Variants in TACC2 observed in about 807,000 individuals in gnomAD.
TACC2 encodes transforming acidic coiled-coil-containing protein 2.
A neutral mutation model predicts 227.3 loss-of-function variants in TACC2; 137 were observed. The ratio of observed to expected loss-of-function variants is 0.60; its 90% CI spans 0.52 to 0.69. TACC2 has a LOEUF of 0.69. TACC2 is among the 30% of genes least tolerant of loss of function. TACC2 has a pLI of 0.00. For synonymous variants in TACC2, 1,523 were observed against 1,487.5 expected (o/e 1.02, Z -0.55); for missense variants, 3,470 against 3,694.4 (o/e 0.94, Z 1.57).
intron 3 of TACC2, among the ~76,000 whole-genome samples, chr10:122,074,091 T>G (rs2078481355): frequency 6.7e-6 from 1 of 149,822 alleles, no homozygotes; most frequent in African/African-American, 2.5e-5. Flanking sequence ...CTTTTTTTTT[T>G]TTTTTTTGAG....
chr10:122,021,239 A>AAAGG (rs149978264), intron 1 of TACC2, among the ~76,000 whole-genome samples: 2 of 146,132 alleles, frequency 1.4e-5, no homozygotes, highest in African/African-American at 2.6e-5. Flanking sequence ...GAAAAAAAAA[A>AAAGG]GGCGGGGGGG....
chr10:122,222,335 C>T (rs922343900), intron 11 of TACC2, among the ~76,000 whole-genome samples: 1 of 152,170 alleles, frequency 6.6e-6, no homozygotes, highest in African/African-American at 2.4e-5. Context: ...ATTTTTTTTA[C>T]ATCCTCTCCA....
At chr10:122,184,905 T>TG (rs1484530265) in intron 7 of TACC2, among the ~76,000 whole-genome samples, 18 of 152,114 alleles carry the variant, frequency 1.2e-4, no homozygotes, top group Admixed American at 6.6e-4. Flanking sequence ...GTGATAGCGA[T>TG]GGGGGGTCTG....
At chr10:122,245,241 G>A (rs1460340095) in intron 19 of TACC2, among the ~76,000 whole-genome samples, 2 of 152,190 alleles carry the variant, frequency 1.3e-5, no homozygotes, top group Non-Finnish European at 2.9e-5. Flanking sequence ...GCATTGTTTT[G>A]TTGTTGAGTG....
At chr10:122,092,921 A>G (rs908342127) in intron 5 of TACC2, among the ~76,000 whole-genome samples, 1 of 152,222 alleles carries the variant, frequency 6.6e-6, no homozygotes, top group African/African-American at 2.4e-5. Context: ...GCTTGAATCA[A>G]TTTCACCTAC....
At chr10:122,161,823 T>C (rs2092829667) in intron 7 of TACC2, among the ~76,000 whole-genome samples, 1 of 152,252 alleles carries the variant, frequency 6.6e-6, no homozygotes, top group Admixed American at 6.5e-5. Flanking sequence ...TTCAAAACAG[T>C]AGTAGCCCAG....
At chr10:122,011,754 A>G (rs1955955398) in intron 1 of TACC2, among the ~76,000 whole-genome samples, 1 of 152,176 alleles carries the variant, frequency 6.6e-6, no homozygotes, top group Admixed American at 6.6e-5. Context: ...ACAACATCTT[A>G]TTAACGTTGG....
intron 5 of TACC2, among the ~76,000 whole-genome samples, chr10:122,092,274 G>T (rs2080908215): frequency 6.6e-6 from 1 of 152,184 alleles, no homozygotes; most frequent in Non-Finnish European, 1.5e-5. Context: ...AGCCCAGAGT[G>T]ATCTGCTACA....
At position 122,084,517 on chromosome 10, in the gene TACC2, G is replaced by C. The variant is rs756303366; in HGVS notation, c.2017G>C (p.Val673Leu). 7.4e-6 allele frequency: 12 copies of C among 1,613,580 alleles called. No individual in the cohort carries two copies. Among genetic ancestry groups the C allele is most frequent in the Non-Finnish European group, 1.0e-5 (12 of 1,180,016 alleles). ...LGEEDPVLPP[V>L]PDGAGEPTVP... ...TGAGGAGGACCCCGTCCTGCCCCCTGTGCCAGATGGAGCTGGTGAGCCCAC... is the reference window on the plus strand; with the variant it reads ...TGAGGAGGACCCCGTCCTGCCCCCTCTGCCAGATGGAGCTGGTGAGCCCAC... Residue 673 changes from valine to leucine, a missense_variant, in exon 4 of 23, where the codon GTG becomes CTG. By Grantham distance (32) the Val-to-Leu change is conservative. Transcript: ENST00000369005.
At chr10:122,178,703 G>C (rs1004448782) in intron 7 of TACC2, among the ~76,000 whole-genome samples, 10 of 152,144 alleles carry the variant, frequency 6.6e-5, no homozygotes, top group Admixed American at 5.9e-4. Context: ...GGCCAACATG[G>C]TGAAACCTCG....
intron 1 of TACC2, among the ~76,000 whole-genome samples, chr10:122,004,024 T>G (rs1954753322): frequency 6.6e-6 from 1 of 151,944 alleles, no homozygotes; most frequent in Non-Finnish European, 1.5e-5. Flanking sequence ...TCCTAGCACT[T>G]TGGGAGGCCG....
chr10:122,213,751 T>C (rs1209536273), intron 9 of TACC2, among the ~76,000 whole-genome samples: 1 of 152,244 alleles, frequency 6.6e-6, no homozygotes, highest in East Asian at 1.9e-4. Context: ...AACACTACTG[T>C]GGCTTCACGT....
chr10:122,097,581 G>A (rs893708316), intron 5 of TACC2, among the ~76,000 whole-genome samples: 3 of 150,926 alleles, frequency 2.0e-5, no homozygotes, highest in African/African-American at 7.4e-5. Flanking sequence ...CTGGGAGTAG[G>A]AGGGAGGAGA....
rs1180939566 is a variant in TACC2 at position 122,083,092 on chromosome 10, C to T, written c.592C>T (p.Pro198Ser). The change falls in exon 4 of 23, where the codon CCT becomes TCT. Residue 198 changes from proline to serine, a missense_variant. Pro to Ser is a moderately conservative substitution (Grantham distance 74). Transcript: ENST00000369005. The part of the protein sequence containing the change: ...FSFSSGIDQS[P>S]GMSPVPLREP... ...CTTCTCCAGTGGCATCGACCAGTCA[C>T]CTGGAATGTCGCCAGTACCCCTCAG... 3 of 1,612,880 alleles carry T rather than the reference C, an allele frequency of 1.9e-6. No individual in the cohort carries two copies. Among genetic ancestry groups the T allele is most frequent in the Middle Eastern group, 1.6e-4 (1 of 6,084 alleles).
intron 18 of TACC2, among the ~76,000 whole-genome samples, chr10:122,239,017 T>G (rs1291857841): frequency 6.6e-6 from 1 of 152,072 alleles, no homozygotes; most frequent in Non-Finnish European, 1.5e-5. Context: ...GTGTGTGTGT[T>G]TTTGAGACGG....
At chr10:122,135,223 G>A (rs1237521557) in intron 6 of TACC2, among the ~76,000 whole-genome samples, 1 of 152,200 alleles carries the variant, frequency 6.6e-6, no homozygotes, top group Non-Finnish European at 1.5e-5. Context: ...AGCTGCGGGA[G>A]AGCCAGGCTT....
chr10:122,225,826 C>T lies in TACC2; in HGVS notation c.7609-540C>T, dbSNP rs189563936. 2.3e-3 allele frequency among the ~76,000 whole-genome samples: 350 copies of T among 152,238 alleles called. 2 individuals carry two copies. The highest frequency in any genetic ancestry group is 7.9e-3 in the African/African-American group (328 of 41,538). On this transcript the variant is annotated intron_variant, in intron 12 of 22. Coordinates refer to ENST00000369005, the MANE Select transcript of TACC2 (RefSeq NM_206862.4). ...TGGCAGTGCAGAGCAGCATACCTGC[C>T]GGCCGTTGCAGGGACTTATTTGGGG...
chr10:122,135,970 G>A (rs1033640154), intron 6 of TACC2, among the ~76,000 whole-genome samples: 3 of 152,174 alleles, frequency 2.0e-5, no homozygotes, highest in Non-Finnish European at 4.4e-5. Context: ...GCCTCGGGGC[G>A]AAAAGTTGTG....
At chr10:122,131,195 A>T (rs2138783704) in intron 5 of TACC2, among the ~76,000 whole-genome samples, 1 of 151,840 alleles carries the variant, frequency 6.6e-6, no homozygotes, top group Admixed American at 6.6e-5. Context: ...AAAAAAAAAA[A>T]AAAAAATCTG....
Sources: gnomAD v4.1 joint callset for allele counts (sites outside exome capture counted in the v4.1 genomes callset) on GRCh38, gnomAD v4.1.1 for gene constraint, MANE v1.5 for transcripts, NCBI Gene and HGNC (gene_info 2026-07-23, HGNC 2026-07-21) for gene names.